GHR: variants seen among roughly 807,000 people sequenced by gnomAD.
GHR encodes the protein growth hormone receptor.
In GHR, 35 loss-of-function variants were observed where a neutral mutation model predicts 67.1. That is an observed-to-expected ratio of 0.52 (90% CI 0.40 to 0.69). The LOEUF (loss-of-function observed/expected upper bound fraction) is 0.69. Among genes scored for constraint, GHR ranks in the 30% least tolerant of loss-of-function variants. The probability of loss-of-function intolerance (pLI) is 0.00; values close to 1 mark genes in which losing one functional copy is unlikely to be tolerated. For synonymous variants in GHR, 272 were observed against 269.1 expected, an observed-to-expected ratio of 1.01 and a Z score of -0.10; for missense variants, 792 against 764.6, an observed-to-expected ratio of 1.04 and a Z score of -0.42.
chr5:42,570,428 G>A (rs1750225384), intron 2 of GHR, among the ~76,000 whole-genome samples: 1 of 152,198 alleles, frequency 6.6e-6, no homozygotes, highest in African/African-American at 2.4e-5. Flanking sequence ...AATCTAGATG[G>A]TGCCAATGTA....
intron 3 of GHR, among the ~76,000 whole-genome samples, chr5:42,679,148 T>C (rs1057438151): frequency 7.1e-6 from 1 of 140,158 alleles, no homozygotes; most frequent in Non-Finnish European, 1.5e-5. Flanking sequence ...TATTATATAT[T>C]GTATATTATA....
At chr5:42,581,910 G>A (rs1751191166) in intron 2 of GHR, among the ~76,000 whole-genome samples, 1 of 152,250 alleles carries the variant, frequency 6.6e-6, no homozygotes, top group Non-Finnish European at 1.5e-5. Context: ...GGAAGTGCCT[G>A]CTATCACTCC....
At chr5:42,444,428 G>A (rs983346387) in intron 1 of GHR, among the ~76,000 whole-genome samples, 1 of 152,188 alleles carries the variant, frequency 6.6e-6, no homozygotes, top group African/African-American at 2.4e-5. Flanking sequence ...ACTCATAACT[G>A]TGTTTTCAAC....
chr5:42,659,268 C>G (rs1303490339), intron 3 of GHR: 1 of 152,214 alleles, frequency 6.6e-6, no homozygotes, highest in Admixed American at 6.5e-5. Context: ...GGGATTCAAA[C>G]TGAAATCCAG....
At position 42,719,205 on chromosome 5, in the gene GHR, C is replaced by T. The variant is rs773775094; in HGVS notation, c.1698C>T (p.Tyr566=). The T allele has an allele frequency of 2.5e-6, 4 of 1,614,086 alleles. No individual in the cohort carries two copies. Among genetic ancestry groups the T allele is most frequent in the Non-Finnish European group, 3.4e-6 (4 of 1,179,958 alleles). The part of the protein sequence containing the change: ...IQPSLNQEDI[Y]ITTESLTTAA... ...CAAGCTTAAACCAAGAGGACATTTA[C>T]ATCACCACAGAAAGCCTTACCACTG... The change falls in exon 10 of 10, where the codon TAC becomes TAT. Residue 566 remains tyrosine (Y), a synonymous_variant. Transcript: ENST00000230882.
At chr5:42,525,182 C>T (rs1285256943) in intron 1 of GHR, among the ~76,000 whole-genome samples, 18 of 152,174 alleles carry the variant, frequency 1.2e-4, no homozygotes, top group Admixed American at 1.2e-3. Flanking sequence ...GCCGCAGTCA[C>T]TCAATGCCAG....
chr5:42,677,121 G>T (rs950612255), intron 3 of GHR, among the ~76,000 whole-genome samples: 1 of 152,016 alleles, frequency 6.6e-6, no homozygotes, highest in South Asian at 2.1e-4. Context: ...ATTCCATTCC[G>T]GGTAGTTTTG....
At chr5:42,429,120 T>C (rs1409799540) in intron 1 of GHR, among the ~76,000 whole-genome samples, 1 of 152,112 alleles carries the variant, frequency 6.6e-6, no homozygotes, top group African/African-American at 2.4e-5. Flanking sequence ...GAAAATTAGG[T>C]TTAATGGTCG....
At chr5:42,550,462 T>A (rs952119917) in intron 1 of GHR, among the ~76,000 whole-genome samples, 2 of 152,088 alleles carry the variant, frequency 1.3e-5, no homozygotes, top group Admixed American at 1.3e-4. Context: ...GAAAGCCCAT[T>A]TATCTTAAGT....
intron 3 of GHR, among the ~76,000 whole-genome samples, chr5:42,685,480 A>T (rs573711104): frequency 6.6e-6 from 1 of 152,284 alleles, no homozygotes; most frequent in African/African-American, 2.4e-5. Flanking sequence ...TGCTGGGTCA[A>T]ATGGTATTTC....
chr5:42,645,712 T>C (rs1050211024), intron 3 of GHR, among the ~76,000 whole-genome samples: 1 of 152,204 alleles, frequency 6.6e-6, no homozygotes, highest in Non-Finnish European at 1.5e-5. Flanking sequence ...GGTCAGGGGC[T>C]TGGAGGCTGA....
chr5:42,485,871 A>G (rs776188235), intron 1 of GHR, among the ~76,000 whole-genome samples: 3 of 152,126 alleles, frequency 2.0e-5, no homozygotes, highest in African/African-American at 2.4e-5. Context: ...CCTCCATTCT[A>G]TATTCCTCCT....
chr5:42,477,145 T>G (rs1745371473), intron 1 of GHR, among the ~76,000 whole-genome samples: 1 of 151,464 alleles, frequency 6.6e-6, no homozygotes, highest in Admixed American at 6.6e-5. Context: ...TGGTTTTTTT[T>G]CCTTGCGATA....
intron 3 of GHR, among the ~76,000 whole-genome samples, chr5:42,653,077 A>G (rs532895683): frequency 6.6e-6 from 1 of 152,164 alleles, no homozygotes; most frequent in African/African-American, 2.4e-5. Flanking sequence ...AAGACCATAT[A>G]CTAAAAGATG....
chr5:42,606,497 G>A (rs1752636471), intron 2 of GHR, among the ~76,000 whole-genome samples: 1 of 152,130 alleles, frequency 6.6e-6, no homozygotes, highest in South Asian at 2.1e-4. Flanking sequence ...CAAGAGATGA[G>A]GCAAGAAAGA....
At chr5:42,448,088 C>A (rs1743890802) in intron 1 of GHR, among the ~76,000 whole-genome samples, 2 of 151,986 alleles carry the variant, frequency 1.3e-5, no homozygotes, top group South Asian at 2.1e-4. Flanking sequence ...ATAATGACTT[C>A]TTTTCCTTCG....
At chr5:42,617,422 ACAC>A in intron 2 of GHR, among the ~76,000 whole-genome samples, 1 of 135,930 alleles carries the variant, frequency 7.4e-6, no homozygotes. Flanking sequence ...ACACACACAC[ACAC>A]AGCATTTGCT....
chr5:42,626,564 C>T (rs1753713766), intron 2 of GHR, among the ~76,000 whole-genome samples: 1 of 152,020 alleles, frequency 6.6e-6, no homozygotes, highest in South Asian at 2.1e-4. Context: ...ACCTTGAGTC[C>T]CTCTCCCCTT....
intron 2 of GHR, among the ~76,000 whole-genome samples, chr5:42,596,982 G>A (rs2112616490): frequency 6.6e-6 from 1 of 152,304 alleles, no homozygotes; most frequent in East Asian, 1.9e-4. Context: ...GGACACAGTG[G>A]AGGATGTTTA....
Sources: allele counts gnomAD v4.1 joint callset (sites outside exome capture counted in the v4.1 genomes callset), GRCh38; gene constraint gnomAD v4.1.1; transcripts MANE v1.5; gene names NCBI Gene and HGNC (gene_info 2026-07-23, HGNC 2026-07-21).